The following XKR4 variants were observed in gnomAD, a reference collection of about 807,000 sequenced individuals.
The protein encoded by XKR4 is XK related 4, also known as XK-related protein 4.
Under a neutral mutation model 53.9 loss-of-function variants are expected in XKR4, and 12 were observed. The ratio of observed to expected loss-of-function variants is 0.22; its 90% CI spans 0.14 to 0.36. The LOEUF (loss-of-function observed/expected upper bound fraction) is 0.36. XKR4 is among the 10% of genes least tolerant of loss of function. XKR4 has a pLI of 1.00. For synonymous variants in XKR4, 354 were observed against 362.4 expected (o/e 0.98, Z 0.26); for missense variants, 799 against 859.5 (o/e 0.93, Z 0.88).
At position 55,532,353 on chromosome 8, in the gene XKR4, A is replaced by G. The variant is rs1332301834; in HGVS notation, c.*8126A>G. ...TGAAGCATATAATTACTGATATAATATTTGCTAAGCAAAAATCTTGTTTAA... is the reference window on the plus strand; with the variant it reads ...TGAAGCATATAATTACTGATATAATGTTTGCTAAGCAAAAATCTTGTTTAA... On this transcript the variant is annotated 3_prime_UTR_variant, in exon 3 of 3. Transcript: ENST00000327381. 2.0e-5 allele frequency: 3 copies of G among 152,184 alleles called. No individual in the cohort carries two copies. The highest frequency in any genetic ancestry group is 4.8e-5 in the African/African-American group (2 of 41,432). 9.4% of individuals were successfully genotyped at this position (152,184 alleles called of 1,614,324 possible).
chr8:55,439,346 A>AAAC (rs1244462179), intron 2 of XKR4, among the ~76,000 whole-genome samples: 1 of 152,200 alleles, frequency 6.6e-6, no homozygotes, highest in Non-Finnish European at 1.5e-5. Context: ...AAAATTCTCT[A>AAAC]AACAGGGAAT....
At chr8:55,206,482 T>C (rs1457682405) in intron 1 of XKR4, among the ~76,000 whole-genome samples, 3 of 151,568 alleles carry the variant, frequency 2.0e-5, no homozygotes, top group African/African-American at 7.3e-5. Context: ...TTATGAAGCA[T>C]GTAAAATTTC....
Position 55,436,211 on chromosome 8 carries a change from G to C in XKR4, c.1006+78334G>C, listed in dbSNP as rs1437467285. On this transcript the variant is annotated intron_variant, in intron 2 of 2. Transcript: ENST00000327381. ...TATTAAGACTAATTAACAGGTTCTC[G>C]ATTCCCACAAATGCCTAGGTGCTTT... Among the ~76,000 whole-genome samples, 5 of 152,162 alleles carry C rather than the reference G, an allele frequency of 3.3e-5. No homozygotes were observed. The East Asian group carries it at 7.7e-4, about 24-fold the overall frequency.
Position 55,479,884 on chromosome 8 carries a change from C to T in XKR4, c.1007-43397C>T, listed in dbSNP as rs535025194. Among the ~76,000 whole-genome samples, 172 of 152,226 alleles carry T rather than the reference C, an allele frequency of 1.1e-3. 5 individuals are homozygous for T. In the South Asian group the frequency reaches 0.034, roughly 30 times the overall value. On this transcript the variant is annotated intron_variant, in intron 2 of 2. Transcript: ENST00000327381. ...ACTCTCTGAATAGACCAATAACAGG[C>T]TCTGAAAATTGTGGCAATAATCAAT...
At chr8:55,345,526 G>A (rs990686762) in intron 1 of XKR4, among the ~76,000 whole-genome samples, 2 of 152,178 alleles carry the variant, frequency 1.3e-5, no homozygotes, top group Non-Finnish European at 2.9e-5. Flanking sequence ...TGGGTCAAGT[G>A]TATGCAGAGA....
intron 1 of XKR4, among the ~76,000 whole-genome samples, chr8:55,181,830 C>A (rs891196893): frequency 1.3e-5 from 2 of 151,928 alleles, no homozygotes; most frequent in African/African-American, 4.8e-5. Context: ...AATTTAAGAC[C>A]AATCAGCTTA....
chr8:55,201,698 T>C (rs1235387652), intron 1 of XKR4, among the ~76,000 whole-genome samples: 1 of 152,244 alleles, frequency 6.6e-6, no homozygotes, highest in Non-Finnish European at 1.5e-5. Flanking sequence ...TTCTGGAATT[T>C]TCCAGTGTTC....
At chr8:55,520,109 C>T (rs1806777814) in intron 2 of XKR4, among the ~76,000 whole-genome samples, 1 of 152,168 alleles carries the variant, frequency 6.6e-6, no homozygotes, top group South Asian at 2.1e-4. Context: ...GGAAGTCTGT[C>T]TTGGCATTGG....
chr8:55,435,849 C>T (rs911171890), intron 2 of XKR4, among the ~76,000 whole-genome samples: 11 of 152,100 alleles, frequency 7.2e-5, no homozygotes, highest in African/African-American at 2.7e-4. Context: ...ATTATAGTAA[C>T]TTCAATCTAA....
chr8:55,437,001 G>A (rs2939624), intron 2 of XKR4, among the ~76,000 whole-genome samples: 84,334 of 151,988 alleles, frequency 0.55, 24,963 homozygotes, highest in African/African-American at 0.76. Flanking sequence ...TCTATGTTAT[G>A]AAAGGTACGG....
At chr8:55,215,472 A>G (rs1274133954) in intron 1 of XKR4, among the ~76,000 whole-genome samples, 1 of 152,244 alleles carries the variant, frequency 6.6e-6, no homozygotes, top group Non-Finnish European at 1.5e-5. Context: ...ACTCATGGAT[A>G]CAGAAGTTAA....
chr8:55,523,874 G>A lies in XKR4; in HGVS notation c.1600G>A (p.Ala534Thr), dbSNP rs1328366209. ...PSCACEDPAA[A>T]FTLPPDVATS... ...TTGTGCTTGTGAGGACCCAGCCGCT[G>A]CCTTCACTTTGCCCCCAGACGTGGC... Residue 534 changes from alanine (A) to threonine (T), a missense_variant, in exon 3 of 3, where the codon GCC becomes ACC. Physicochemically the swap from Ala to Thr is moderately conservative, Grantham distance 58. Coordinates refer to ENST00000327381, the MANE Select transcript of XKR4 (RefSeq NM_052898.2). 6.2e-7 allele frequency: 1 copy of A among 1,614,190 alleles called. No individual in the cohort carries two copies. Among genetic ancestry groups the A allele is most frequent in the South Asian group, 1.1e-5 (1 of 91,082 alleles).
rs551994352 is a variant in XKR4 at position 55,344,857 on chromosome 8, G to A, written c.807-12821G>A. On this transcript the variant is annotated intron_variant, in intron 1 of 2. Transcript: ENST00000327381. Reference sequence around the variant, plus strand: ...CTTCCTCCTCTAGGTCTAAGGAAATGCCTGAAGAGTAACTACTCATGTAAA... The same window carrying A: ...CTTCCTCCTCTAGGTCTAAGGAAATACCTGAAGAGTAACTACTCATGTAAA... Among the ~76,000 whole-genome samples the A allele has an allele frequency of 2.7e-4, 41 of 152,336 alleles. No individual in the cohort carries two copies. The South Asian group carries it at 2.7e-3, about 10-fold the overall frequency.
At chr8:55,414,571 A>G (rs1489787310) in intron 2 of XKR4, among the ~76,000 whole-genome samples, 1 of 149,838 alleles carries the variant, frequency 6.7e-6, no homozygotes, top group Non-Finnish European at 1.5e-5. Flanking sequence ...ATTATATATA[A>G]TATATATATA....
chr8:55,269,495 A>G (rs1563497790), intron 1 of XKR4, among the ~76,000 whole-genome samples: 1 of 152,180 alleles, frequency 6.6e-6, no homozygotes. Flanking sequence ...ATACATTTAT[A>G]TGCATGTGGT....
intron 1 of XKR4, among the ~76,000 whole-genome samples, chr8:55,288,909 T>A (rs574524638): frequency 1.3e-5 from 2 of 152,316 alleles, no homozygotes; most frequent in African/African-American, 2.4e-5. Context: ...ATGTAGCACA[T>A]AACCTTTTGG....
Position 55,475,793 on chromosome 8 carries a change from G to A in XKR4, c.1007-47488G>A, listed in dbSNP as rs183180217. On this transcript the variant is annotated intron_variant, in intron 2 of 2. Transcript: ENST00000327381. ...AATTTTTGTATTTTTAGTAGAGACA[G>A]GATTTCACTTTCTTGGCCAGGCTGA... Among the ~76,000 whole-genome samples, 434 of 151,966 alleles carry A rather than the reference G, an allele frequency of 2.9e-3. 3 individuals carry two copies. Among genetic ancestry groups the A allele is most frequent in the African/African-American group, 9.9e-3 (410 of 41,394 alleles).
At chr8:55,124,584 A>G (rs1816436359) in intron 1 of XKR4, among the ~76,000 whole-genome samples, 1 of 152,268 alleles carries the variant, frequency 6.6e-6, no homozygotes, top group Non-Finnish European at 1.5e-5. Context: ...TTCCTTCTGT[A>G]ACATCAGAGT....
At chr8:55,511,184 C>G (rs1806620554) in intron 2 of XKR4, among the ~76,000 whole-genome samples, 1 of 152,122 alleles carries the variant, frequency 6.6e-6, no homozygotes, top group African/African-American at 2.4e-5. Flanking sequence ...CCTTCCCACC[C>G]CAGACACACA....
Sources: allele counts gnomAD v4.1 joint callset (sites outside exome capture counted in the v4.1 genomes callset), GRCh38; gene constraint gnomAD v4.1.1; transcripts MANE v1.5; gene names NCBI Gene and HGNC (gene_info 2026-07-23, HGNC 2026-07-21).